The following PREX2 variants were observed in gnomAD, a reference collection of about 807,000 sequenced individuals.
PREX2 encodes phosphatidylinositol 3,4,5-trisphosphate-dependent Rac exchanger 2 protein.
In PREX2, 107 loss-of-function variants were observed where a neutral mutation model predicts 203.2. The ratio of observed to expected loss-of-function variants is 0.53; its 90% CI spans 0.45 to 0.62. The LOEUF (loss-of-function observed/expected upper bound fraction) is 0.62. Among genes scored for constraint, PREX2 ranks in the 20% least tolerant of loss-of-function variants. The pLI, the probability that PREX2 is intolerant of heterozygous loss-of-function variation, is 0.00. For synonymous variants in PREX2, 672 were observed against 663.6 expected (o/e 1.01, Z -0.19); for missense variants, 1,777 against 1,955.9 (o/e 0.91, Z 1.72).
intron 31 of PREX2, among the ~76,000 whole-genome samples, chr8:68,128,104 C>T (rs1477687631): frequency 3.9e-5 from 6 of 152,106 alleles, no homozygotes; most frequent in African/African-American, 2.4e-5. Flanking sequence ...GGAAATAGAT[C>T]GTAAAGATTG....
chr8:68,158,176 C>T (rs1307815432), intron 35 of PREX2, among the ~76,000 whole-genome samples: 3 of 150,118 alleles, frequency 2.0e-5, no homozygotes, highest in Non-Finnish European at 4.4e-5. Flanking sequence ...TATTCACACA[C>T]ACATATCTCC....
At position 67,958,156 on chromosome 8, in the gene PREX2, A is replaced by G. The variant is rs572144005; in HGVS notation, c.141+5621A>G. ...AGCCATCAATCTGTGGTATTTTATT[A>G]TGGCAGCCTGTGCAGACAAACGCAG... On this transcript the variant is annotated intron_variant, in intron 1 of 39. Coordinates refer to ENST00000288368, the MANE Select transcript of PREX2 (RefSeq NM_024870.4). Among the ~76,000 whole-genome samples the G allele has an allele frequency of 1.2e-4, 19 of 152,310 alleles. No homozygotes were observed. The South Asian group carries it at 3.9e-3, about 32-fold the overall frequency.
intron 37 of PREX2, among the ~76,000 whole-genome samples, chr8:68,215,104 C>A (rs1393366433): frequency 6.6e-6 from 1 of 152,156 alleles, no homozygotes; most frequent in Non-Finnish European, 1.5e-5. Flanking sequence ...TTCCTGGGCA[C>A]ATTCGCTTCC....
rs188719046 is a variant in PREX2 at position 68,191,343 on chromosome 8, A to G, written c.4347-379A>G. ...AATGTATTTCTTCAACTTTTTAATA[A>G]TATTGATCATTATAAATATTAATAA... On this transcript the variant is annotated intron_variant, in intron 35 of 39. Transcript: ENST00000288368. Among the ~76,000 whole-genome samples the G allele has an allele frequency of 4.6e-5, 7 of 152,328 alleles. No homozygotes were observed. In the East Asian group the frequency reaches 1.4e-3, roughly 29 times the overall value.
At chr8:68,029,963 A>C (rs941193378) in intron 5 of PREX2, among the ~76,000 whole-genome samples, 5 of 152,172 alleles carry the variant, frequency 3.3e-5, no homozygotes, top group Non-Finnish European at 7.4e-5. Flanking sequence ...AGCTCCTTTA[A>C]TGATGGAGTA....
intron 35 of PREX2, among the ~76,000 whole-genome samples, chr8:68,160,334 C>G (rs1811629894): frequency 6.6e-6 from 1 of 152,104 alleles, no homozygotes; most frequent in African/African-American, 2.4e-5. Flanking sequence ...TTAAAATCAT[C>G]ATAGTTATAT....
intron 1 of PREX2, among the ~76,000 whole-genome samples, chr8:67,977,500 G>T (rs1451098433): frequency 1.3e-5 from 2 of 151,858 alleles, no homozygotes; most frequent in African/African-American, 4.8e-5. Flanking sequence ...AGATGTATTT[G>T]GCCTTCATCC....
Position 68,196,786 on chromosome 8 carries a change from A to G in PREX2, c.4604+4261A>G, listed in dbSNP as rs554955967. 8.1e-4 allele frequency among the ~76,000 whole-genome samples: 121 copies of G among 149,424 alleles called. 4 individuals are homozygous for G. The South Asian group carries it at 0.024, about 30-fold the overall frequency. ...TGTAAGAGGCGCCTGCTTCCCCTTC[A>G]CCTTCCACCATGATTGTAAGTTTCC... On this transcript the variant is annotated intron_variant, in intron 37 of 39. Transcript: ENST00000288368.
chr8:68,115,021 CTTTTTT>C (rs5892137), intron 25 of PREX2, among the ~76,000 whole-genome samples: 10 of 86,866 alleles, frequency 1.2e-4, no homozygotes, highest in African/African-American at 3.9e-4. Flanking sequence ...TCTTTTCTTT[CTTTTTT>C]TTTTTTTTTT....
intron 37 of PREX2, among the ~76,000 whole-genome samples, chr8:68,201,980 C>T (rs1328743139): frequency 3.4e-5 from 5 of 146,132 alleles, no homozygotes; most frequent in Non-Finnish European, 5.9e-5. Context: ...GATCTCAGCT[C>T]ACTGCAACCT....
At chr8:68,073,483 TC>T (rs886096848) in intron 14 of PREX2, among the ~76,000 whole-genome samples, 2 of 152,184 alleles carry the variant, frequency 1.3e-5, no homozygotes, top group African/African-American at 4.8e-5. Flanking sequence ...TAATACTTAA[TC>T]CACATTTGGT....
intron 39 of PREX2, among the ~76,000 whole-genome samples, chr8:68,225,640 G>A (rs116694329): frequency 0.011 from 1,651 of 152,190 alleles, 25 homozygotes; most frequent in African/African-American, 0.037. Flanking sequence ...GCTTTCAAAG[G>A]GAAAACAAAC....
intron 5 of PREX2, among the ~76,000 whole-genome samples, chr8:68,028,254 T>C (rs1807788103): frequency 6.6e-6 from 1 of 151,756 alleles, no homozygotes; most frequent in Non-Finnish European, 1.5e-5. Context: ...TATAGGATTA[T>C]ATAATGATAA....
At chr8:68,067,617 T>C (rs1809057745) in intron 11 of PREX2, among the ~76,000 whole-genome samples, 1 of 152,038 alleles carries the variant, frequency 6.6e-6, no homozygotes, top group Non-Finnish European at 1.5e-5. Context: ...ACTGAATTAG[T>C]TTTTGGTGGA....
At chr8:68,045,678 G>T (rs140294248) in intron 8 of PREX2, among the ~76,000 whole-genome samples, 1 of 152,102 alleles carries the variant, frequency 6.6e-6, no homozygotes. Context: ...TGTTCATCCA[G>T]TAGAGAGGTT....
intron 1 of PREX2, among the ~76,000 whole-genome samples, chr8:67,964,893 G>A (rs1208914923): frequency 1.3e-5 from 2 of 152,138 alleles, no homozygotes; most frequent in Non-Finnish European, 1.5e-5. Context: ...ATTCTGAAAA[G>A]ATCCACTGCA....
intron 20 of PREX2, among the ~76,000 whole-genome samples, chr8:68,091,378 G>A (rs1809869194): frequency 6.6e-6 from 1 of 152,196 alleles, no homozygotes. Flanking sequence ...GTGAGTATTG[G>A]CATATAAAAG....
chr8:68,000,291 C>T lies in PREX2; in HGVS notation c.142-17555C>T, dbSNP rs550295263. Among the ~76,000 whole-genome samples the T allele has an allele frequency of 1.3e-4, 20 of 152,250 alleles. No homozygotes were observed. The South Asian group carries it at 3.9e-3, about 30-fold the overall frequency. ...AATGTGCAAAAATTGTTAACATGCCCATATATCAACAACAGTTAGGCGAGA... is the reference window on the plus strand; with the variant it reads ...AATGTGCAAAAATTGTTAACATGCCTATATATCAACAACAGTTAGGCGAGA... On this transcript the variant is annotated intron_variant, in intron 1 of 39. Coordinates refer to ENST00000288368, the MANE Select transcript of PREX2 (RefSeq NM_024870.4).
intron 18 of PREX2, among the ~76,000 whole-genome samples, chr8:68,085,667 A>G (rs1809663245): frequency 6.6e-6 from 1 of 152,202 alleles, no homozygotes; most frequent in South Asian, 2.1e-4. Context: ...AGGGAATATA[A>G]TGTTCTCACC....
Sources: gnomAD v4.1 joint callset for allele counts (sites outside exome capture counted in the v4.1 genomes callset) on GRCh38, gnomAD v4.1.1 for gene constraint, MANE v1.5 for transcripts, NCBI Gene and HGNC (gene_info 2026-07-23, HGNC 2026-07-21) for gene names.